PCDHA2: variants seen among roughly 807,000 people sequenced by gnomAD.
The protein encoded by PCDHA2 is protocadherin alpha-2.
A neutral mutation model predicts 66.0 loss-of-function variants in PCDHA2; 58 were observed. That is an observed-to-expected ratio of 0.88 (90% confidence interval 0.71 to 1.09). The LOEUF (loss-of-function observed/expected upper bound fraction) is 1.09, where lower values mean the gene tolerates loss of function less well. Ranked by LOEUF, PCDHA2 falls within the 50% of genes least tolerant of loss-of-function variation. PCDHA2 has a pLI of 0.00. For missense variants in PCDHA2, 1,267 were observed against 1,242.3 expected (o/e 1.02, Z -0.30); for synonymous variants, 634 against 554.0 (o/e 1.14, Z -2.03).
At chr5:140,817,750 T>A (rs2150098964) in intron 1 of PCDHA2, among the ~76,000 whole-genome samples, 4 of 152,246 alleles carry the variant, frequency 2.6e-5, no homozygotes, top group Non-Finnish European at 5.9e-5. Context: ...ATCATTTTCC[T>A]TCTGAAGAAA....
At chr5:140,983,641 C>T (rs1030470329) in intron 3 of PCDHA2, among the ~76,000 whole-genome samples, 4 of 152,164 alleles carry the variant, frequency 2.6e-5, no homozygotes, top group Admixed American at 1.3e-4. Flanking sequence ...CCCAAGTTCA[C>T]GTAGCTTGTA....
chr5:140,810,665 C>A (rs1307676376), intron 1 of PCDHA2: 1 of 122,538 alleles, frequency 8.2e-6, no homozygotes, highest in Non-Finnish European at 1.7e-5. Context: ...TGTTGTTTTT[C>A]TTTTCTTTTT....
chr5:140,805,985 A>G (rs1763660585), intron 1 of PCDHA2, among the ~76,000 whole-genome samples: 1 of 152,210 alleles, frequency 6.6e-6, no homozygotes, highest in South Asian at 2.1e-4. Flanking sequence ...TAAAATATAT[A>G]TTCCAAAAAA....
chr5:140,911,477 T>A (rs1457881834), intron 1 of PCDHA2, among the ~76,000 whole-genome samples: 2 of 152,132 alleles, frequency 1.3e-5, no homozygotes, highest in Non-Finnish European at 2.9e-5. Context: ...AGACTCTCAC[T>A]CAGGGCAATC....
At chr5:140,952,750 A>T (rs1240610789) in intron 1 of PCDHA2, among the ~76,000 whole-genome samples, 2 of 152,326 alleles carry the variant, frequency 1.3e-5, no homozygotes, top group Non-Finnish European at 2.9e-5. Context: ...CTGCTATAAA[A>T]ACACCTGAGA....
chr5:140,854,302 G>A, intron 1 of PCDHA2: 2 of 384,722 alleles, frequency 5.2e-6, no homozygotes, highest in Non-Finnish European at 7.1e-6. Context: ...TTTTGTGCGT[G>A]GAGATGATTG....
At chr5:140,835,645 A>G (rs1554135161) in intron 1 of PCDHA2, 3 of 1,613,728 alleles carry the variant, frequency 1.9e-6, no homozygotes, top group African/African-American at 2.7e-5. Context: ...GTGTCCGCCT[A>G]TGAGCTGGTG....
At position 140,870,179 on chromosome 5, in the gene PCDHA2, G is replaced by C. The variant is rs184228916; in HGVS notation, c.2388+72827G>C. ...GTGACTTCCTTGTCCCTCCCAGTACGAGAGGACGCTCAGCCCAGCACGGTC... is the reference window on the plus strand; with the variant it reads ...GTGACTTCCTTGTCCCTCCCAGTACCAGAGGACGCTCAGCCCAGCACGGTC... On this transcript the variant is annotated intron_variant, in intron 1 of 3. Transcript: ENST00000526136. 4.9e-4 allele frequency: 783 copies of C among 1,614,104 alleles called. 1 individual carries two copies. In the African/African-American group the frequency reaches 9.2e-3, roughly 19 times the overall value.
At chr5:140,967,298 G>A in intron 1 of PCDHA2, 1 of 1,612,692 alleles carries the variant, frequency 6.2e-7, no homozygotes, top group Non-Finnish European at 8.5e-7. Flanking sequence ...CCCCGACGTG[G>A]GCGCCAACTC....
At chr5:140,864,277 T>A (rs1203382304) in intron 1 of PCDHA2, 6 of 152,228 alleles carry the variant, frequency 3.9e-5, no homozygotes, top group South Asian at 2.1e-4. Context: ...CTCCATTCCT[T>A]ATTGTTTTTA....
At chr5:140,822,297 C>A (rs1767263193) in intron 1 of PCDHA2, 3 of 1,614,030 alleles carry the variant, frequency 1.9e-6, no homozygotes, top group Middle Eastern at 1.6e-4. Context: ...TAAATCCAAA[C>A]GAATATTTTG....
intron 1 of PCDHA2, chr5:140,928,535 G>A (rs1554205968): frequency 2.5e-6 from 4 of 1,614,224 alleles, no homozygotes; most frequent in East Asian, 2.2e-5. Context: ...GTGGTAGATA[G>A]GAATGACAAT....
At chr5:140,969,146 AAGGCCTGTCTGACAGC>A in intron 1 of PCDHA2, 1 of 1,614,170 alleles carries the variant, frequency 6.2e-7, no homozygotes, top group Non-Finnish European at 8.5e-7. Flanking sequence ...CTACTGCTAC[AAGGCCTGTCTGACAGC>A]AGGCTCAGGG....
intron 3 of PCDHA2, among the ~76,000 whole-genome samples, chr5:140,988,287 C>A (rs2097291303): frequency 6.6e-6 from 1 of 152,240 alleles, no homozygotes; most frequent in Non-Finnish European, 1.5e-5. Context: ...TGCCATCTGA[C>A]AGCCCAGGAG....
Position 140,841,112 on chromosome 5 carries a change from C to A in PCDHA2, c.2388+43760C>A, listed in dbSNP as rs190685960. The A allele has an allele frequency of 8.3e-6, 5 of 602,150 alleles. No individual in the cohort carries two copies. In the East Asian group the frequency reaches 1.4e-4, roughly 17 times the overall value. 37.3% of individuals were successfully genotyped at this position (602,150 alleles called of 1,614,324 possible). On this transcript the variant is annotated intron_variant, in intron 1 of 3. Transcript: ENST00000526136. ...GAACCCAGATATTGCGGAAGTAATT[C>A]ATGTAATCATTACCTTTTGAAGCCA... is the stretch of plus-strand genomic sequence containing the variant.
intron 1 of PCDHA2, chr5:140,969,442 T>C (rs1554231813): frequency 1.3e-6 from 2 of 1,543,712 alleles, no homozygotes; most frequent in Admixed American, 4.0e-5. Flanking sequence ...AGTTATCTGG[T>C]AAACTGAGTA....
intron 3 of PCDHA2, among the ~76,000 whole-genome samples, chr5:140,987,372 A>G (rs1357478474): frequency 6.6e-6 from 1 of 152,204 alleles, no homozygotes; most frequent in Non-Finnish European, 1.5e-5. Flanking sequence ...ATATCATTAC[A>G]GGGTCAGAAT....
At chr5:140,823,113 C>T in intron 1 of PCDHA2, 1 of 1,614,074 alleles carries the variant, frequency 6.2e-7, no homozygotes, top group Non-Finnish European at 8.5e-7. Context: ...AAGTGGCCGA[C>T]GTGAACGACA....
rs187345731 is a variant in PCDHA2, at chr5:140,885,533, C to T, written c.2388+88181C>T. Among the ~76,000 whole-genome samples, 472 of 152,120 alleles carry T rather than the reference C, an allele frequency of 3.1e-3. 3 individuals carry two copies. Among genetic ancestry groups the T allele is most frequent in the Middle Eastern group, 0.014 (4 of 294 alleles). On this transcript the variant is annotated intron_variant, in intron 1 of 3. Coordinates refer to ENST00000526136, the MANE Select transcript of PCDHA2 (RefSeq NM_018905.3). Reference sequence around the variant, plus strand: ...CTGTGCTATCATTTCATATATTTCCCAAAATATTGGTGTTATTTCTACGAA... The same window carrying T: ...CTGTGCTATCATTTCATATATTTCCTAAAATATTGGTGTTATTTCTACGAA...
Sources: allele counts gnomAD v4.1 joint callset (sites outside exome capture counted in the v4.1 genomes callset), GRCh38; gene constraint gnomAD v4.1.1; transcripts MANE v1.5; gene names NCBI Gene and HGNC (gene_info 2026-07-23, HGNC 2026-07-21).